The following CNTNAP2 variants were observed in gnomAD, a reference collection of about 807,000 sequenced individuals.
The protein encoded by CNTNAP2 is contactin associated protein 2.
A neutral mutation model predicts 155.2 loss-of-function variants in CNTNAP2; 98 were observed. That is an observed-to-expected ratio of 0.63 (90% CI 0.54 to 0.75). CNTNAP2 has a LOEUF of 0.75. Among genes scored for constraint, CNTNAP2 ranks in the 30% least tolerant of loss-of-function variants. CNTNAP2 has a pLI of 0.00. For synonymous variants in CNTNAP2, 651 were observed against 631.2 expected (o/e 1.03, Z -0.47); for missense variants, 1,727 against 1,688.1 (o/e 1.02, Z -0.40).
intron 19 of CNTNAP2, among the ~76,000 whole-genome samples, chr7:148,218,386 C>T (rs533188140): frequency 3.3e-5 from 5 of 152,082 alleles, no homozygotes; most frequent in Admixed American, 6.5e-5. Context: ...TTGCTTAAAG[C>T]AGGAGTTTAT....
chr7:147,780,651 A>G (rs1584951518), intron 13 of CNTNAP2, among the ~76,000 whole-genome samples: 1 of 152,170 alleles, frequency 6.6e-6, no homozygotes, highest in African/African-American at 2.4e-5. Flanking sequence ...TTCACTTTGA[A>G]TTTGCCTGAA....
At chr7:146,736,032 A>G (rs1006240995) in intron 1 of CNTNAP2, among the ~76,000 whole-genome samples, 2 of 152,218 alleles carry the variant, frequency 1.3e-5, no homozygotes, top group African/African-American at 4.8e-5. Context: ...AATGTGTACA[A>G]TTATTATAGG....
At chr7:147,431,579 C>A (rs1056146118) in intron 10 of CNTNAP2, among the ~76,000 whole-genome samples, 5 of 152,238 alleles carry the variant, frequency 3.3e-5, no homozygotes, top group East Asian at 1.9e-4. Flanking sequence ...CCGCTCCAAT[C>A]TGGCTTTCAC....
At chr7:146,279,783 C>T (rs769750375) in intron 1 of CNTNAP2, among the ~76,000 whole-genome samples, 1 of 151,234 alleles carries the variant, frequency 6.6e-6, no homozygotes, top group East Asian at 1.9e-4. Flanking sequence ...ATTTTGCAAC[C>T]TTTTAAAAAA....
chr7:146,573,265 C>G (rs1798470975), intron 1 of CNTNAP2, among the ~76,000 whole-genome samples: 1 of 152,042 alleles, frequency 6.6e-6, no homozygotes, highest in African/African-American at 2.4e-5. Flanking sequence ...GCCTCAGCCT[C>G]CCAAGTAGCT....
intron 1 of CNTNAP2, among the ~76,000 whole-genome samples, chr7:146,683,521 T>C (rs1411701475): frequency 2.6e-5 from 4 of 152,228 alleles, no homozygotes; most frequent in Non-Finnish European, 2.9e-5. Context: ...ACAAGAGACA[T>C]TGGAAATTCT....
chr7:146,191,329 G>A (rs972297617), intron 1 of CNTNAP2, among the ~76,000 whole-genome samples: 4 of 152,082 alleles, frequency 2.6e-5, no homozygotes, highest in African/African-American at 4.8e-5. Flanking sequence ...GGGAGTGTAC[G>A]AATAGGGTGT....
chr7:146,645,572 T>G (rs1799797504), intron 1 of CNTNAP2, among the ~76,000 whole-genome samples: 1 of 152,134 alleles, frequency 6.6e-6, no homozygotes, highest in African/African-American at 2.4e-5. Context: ...GGTATCTTGT[T>G]GGAGATGGGG....
At chr7:147,260,806 G>C (rs888191702) in intron 8 of CNTNAP2, among the ~76,000 whole-genome samples, 1 of 152,122 alleles carries the variant, frequency 6.6e-6, no homozygotes, top group African/African-American at 2.4e-5. Context: ...TTATGGACGC[G>C]GAAATTCAAT....
intron 1 of CNTNAP2, among the ~76,000 whole-genome samples, chr7:146,619,154 T>C (rs1365349155): frequency 6.6e-6 from 1 of 151,796 alleles, no homozygotes; most frequent in East Asian, 1.9e-4. Flanking sequence ...TGACATGAAA[T>C]TTATAGAAGT....
At chr7:147,631,336 A>G (rs976125377) in intron 12 of CNTNAP2, among the ~76,000 whole-genome samples, 13 of 152,300 alleles carry the variant, frequency 8.5e-5, no homozygotes, top group Middle Eastern at 6.8e-3. Context: ...ATCATTAATG[A>G]CACAAACAAA....
intron 1 of CNTNAP2, among the ~76,000 whole-genome samples, chr7:146,519,303 G>A (rs778981284): frequency 1.3e-5 from 2 of 151,808 alleles, no homozygotes; most frequent in Non-Finnish European, 2.9e-5. Flanking sequence ...TTACAATCAG[G>A]GCAAATCCTG....
intron 3 of CNTNAP2, among the ~76,000 whole-genome samples, chr7:146,842,479 G>T (rs1222548669): frequency 6.6e-6 from 1 of 152,114 alleles, no homozygotes; most frequent in East Asian, 1.9e-4. Context: ...GACTATGTTA[G>T]TCTGTTCTTG....
intron 11 of CNTNAP2, among the ~76,000 whole-genome samples, chr7:147,504,210 C>T (rs555316321): frequency 3.4e-4 from 51 of 152,050 alleles, no homozygotes; most frequent in Non-Finnish European, 6.0e-4. Context: ...TCCTGTAGCT[C>T]CTGACATGAG....
At chr7:148,254,577 C>A (rs752049690) in intron 20 of CNTNAP2, among the ~76,000 whole-genome samples, 2 of 152,064 alleles carry the variant, frequency 1.3e-5, no homozygotes, top group Admixed American at 1.3e-4. Flanking sequence ...GAGATCGAGA[C>A]CATCCTGGCT....
chr7:147,650,312 T>C (rs887341928), intron 13 of CNTNAP2, among the ~76,000 whole-genome samples: 14 of 152,298 alleles, frequency 9.2e-5, no homozygotes, highest in Middle Eastern at 6.8e-3. Flanking sequence ...TTATTGAGTA[T>C]AAAATATTTA....
chr7:146,784,247 C>T (rs1802536635), intron 2 of CNTNAP2, among the ~76,000 whole-genome samples: 1 of 152,140 alleles, frequency 6.6e-6, no homozygotes, highest in Non-Finnish European at 1.5e-5. Flanking sequence ...CATGTACTGG[C>T]TTAACATCAA....
intron 1 of CNTNAP2, among the ~76,000 whole-genome samples, chr7:146,124,595 T>G (rs781314966): frequency 2.8e-4 from 42 of 152,242 alleles, no homozygotes; most frequent in Non-Finnish European, 5.6e-4. Context: ...ACTTAATTGC[T>G]AATAAATTCT....
At chr7:146,407,559 G>A (rs1795810044) in intron 1 of CNTNAP2, among the ~76,000 whole-genome samples, 1 of 152,132 alleles carries the variant, frequency 6.6e-6, no homozygotes, top group Non-Finnish European at 1.5e-5. Flanking sequence ...ATTGAGGAGA[G>A]AACTGTAGAG....
Sources: gnomAD v4.1 joint callset for allele counts (sites outside exome capture counted in the v4.1 genomes callset) on GRCh38, gnomAD v4.1.1 for gene constraint, MANE v1.5 for transcripts, NCBI Gene and HGNC (gene_info 2026-07-23, HGNC 2026-07-21) for gene names.